The following EMSY variants were observed in gnomAD, a reference collection of about 807,000 sequenced individuals.
EMSY encodes EMSY transcriptional repressor, BRCA2 interacting, also known as BRCA2-interacting transcriptional repressor EMSY.
A neutral mutation model predicts 134.6 loss-of-function variants in EMSY; 26 were observed. The ratio of observed to expected loss-of-function variants is 0.19; its 90% confidence interval spans 0.14 to 0.27. The LOEUF (loss-of-function observed/expected upper bound fraction) is 0.27, where lower values mean the gene tolerates loss of function less well. Among genes scored for constraint, EMSY ranks in the 10% least tolerant of loss-of-function variants. The probability of loss-of-function intolerance (pLI) is 1.00; values close to 1 mark genes in which losing one functional copy is unlikely to be tolerated. For missense variants in EMSY, 1,305 were observed against 1,611.4 expected (o/e 0.81, Z 3.26); for synonymous variants, 579 against 577.8 (o/e 1.00, Z -0.03).
chr11:76,513,434 A>G (rs1407125238), exon 10 of EMSY: 1 of 1,613,732 alleles, frequency 6.2e-7, no homozygotes, highest in South Asian at 1.1e-5. Flanking sequence ...ATCTTACCCA[A>G]ACCAGTGACA....
intron 2 of EMSY, among the ~76,000 whole-genome samples, chr11:76,451,211 T>G (rs1947653029): frequency 2.0e-5 from 3 of 152,204 alleles, no homozygotes; most frequent in African/African-American, 7.2e-5. Flanking sequence ...ATGTTTATGT[T>G]TCCCAATTAG....
At chr11:76,544,673 A>T in exon 19 of EMSY, 1 of 1,614,064 alleles carries the variant, frequency 6.2e-7, no homozygotes, top group Non-Finnish European at 8.5e-7. Flanking sequence ...GCCCCCGCAA[A>T]CTGTAGTACA....
At chr11:76,490,592 T>C (rs1453527813) in intron 8 of EMSY, among the ~76,000 whole-genome samples, 2 of 152,230 alleles carry the variant, frequency 1.3e-5, no homozygotes, top group East Asian at 3.8e-4. Context: ...TTCCTTGTGC[T>C]ATGGTTGTCA....
At chr11:76,521,898 C>T (rs1950651076) in intron 11 of EMSY, among the ~76,000 whole-genome samples, 1 of 151,716 alleles carries the variant, frequency 6.6e-6, no homozygotes, top group South Asian at 2.1e-4. Context: ...CATAGTGAGA[C>T]CTTATCTCTA....
chr11:76,496,459 A>G (rs1489561216), exon 9 of EMSY: 1 of 1,613,990 alleles, frequency 6.2e-7, no homozygotes, highest in Non-Finnish European at 8.5e-7. Context: ...TCCAAATCAA[A>G]CAGGAGTCAG....
chr11:76,513,443 C>A (rs774078197), exon 10 of EMSY: 1 of 1,613,718 alleles, frequency 6.2e-7, no homozygotes, highest in South Asian at 1.1e-5. Context: ...AAACCAGTGA[C>A]AGCAACTCTA....
chr11:76,471,936 T>C (rs1038248875), intron 7 of EMSY, among the ~76,000 whole-genome samples: 4 of 152,216 alleles, frequency 2.6e-5, no homozygotes, highest in African/African-American at 4.8e-5. Flanking sequence ...GGTAGCACCA[T>C]GGTTCATATC....
At chr11:76,544,865 C>A in intron 19 of EMSY, 43 bp downstream of exon 20, 5 of 1,570,152 alleles carry the variant, frequency 3.2e-6, no homozygotes, top group Admixed American at 3.6e-5. Flanking sequence ...CTTCTCTGTT[C>A]ACGGAAAAAA....
At position 76,537,711 on chromosome 11, in the gene EMSY, C is replaced by G. The variant is rs568038221; in HGVS notation, c.2360-84C>G. ...ACTGCCAGTGTGGCACCCCAGAGGT[C>G]TGGTTCATTATTCCTGTGGACAACT... On this transcript the variant is annotated intron_variant, in intron 15 of 20. Coordinates refer to ENST00000334736, the Ensembl canonical transcript of EMSY. 4.8e-5 allele frequency: 61 copies of G among 1,271,080 alleles called. No homozygotes were observed. The Middle Eastern group carries it at 5.9e-4, about 12-fold the overall frequency. The allele number at this position is 1,271,080 out of a possible 1,614,324, so 78.7% of individuals were successfully genotyped here.
chr11:76,481,135 C>T (rs1272193318), intron 8 of EMSY, among the ~76,000 whole-genome samples: 1 of 152,114 alleles, frequency 6.6e-6, no homozygotes, highest in Non-Finnish European at 1.5e-5. Context: ...GCTCTGCCTC[C>T]CGGGTTCACA....
At chr11:76,511,977 C>T (rs1950294294) in intron 9 of EMSY, among the ~76,000 whole-genome samples, 2 of 152,036 alleles carry the variant, frequency 1.3e-5, no homozygotes, top group Admixed American at 1.3e-4. Flanking sequence ...TAATTATATA[C>T]TTAGATGTCA....
intron 9 of EMSY, among the ~76,000 whole-genome samples, chr11:76,499,667 G>A (rs888210113): frequency 1.4e-4 from 21 of 152,028 alleles, no homozygotes; most frequent in African/African-American, 3.9e-4. Context: ...TACATGTGCC[G>A]TTTTATTTTG....
At chr11:76,516,245 C>T (rs1257456475) in exon 11 of EMSY, 1 of 1,613,098 alleles carries the variant, frequency 6.2e-7, no homozygotes, top group Non-Finnish European at 8.5e-7. Flanking sequence ...GTGGTAGCAT[C>T]ATTACAGTAG....
chr11:76,469,152 T>C (rs1948474724), intron 7 of EMSY, among the ~76,000 whole-genome samples: 1 of 152,218 alleles, frequency 6.6e-6, no homozygotes, highest in African/African-American at 2.4e-5. Flanking sequence ...GCTGAAGTTT[T>C]GTCTTAATGT....
intron 14 of EMSY, among the ~76,000 whole-genome samples, chr11:76,533,585 G>A (rs1193644734): frequency 2.0e-5 from 3 of 152,136 alleles, no homozygotes; most frequent in African/African-American, 7.2e-5. Flanking sequence ...TAACGGAAAA[G>A]TCTTAAGATT....
At chr11:76,495,001 G>A (rs1949593411) in intron 8 of EMSY, among the ~76,000 whole-genome samples, 2 of 152,288 alleles carry the variant, frequency 1.3e-5, no homozygotes, top group East Asian at 3.9e-4. Context: ...CTCCCAAAGT[G>A]TTGGGATTAC....
chr11:76,455,491 C>T (rs1159440719), intron 4 of EMSY, among the ~76,000 whole-genome samples: 1 of 152,014 alleles, frequency 6.6e-6, no homozygotes, highest in Admixed American at 6.6e-5. Context: ...GCTTCATACT[C>T]CAAGCCTAGA....
At chr11:76,463,397 G>A (rs7109548) in intron 6 of EMSY, among the ~76,000 whole-genome samples, 81,510 of 151,152 alleles carry the variant, frequency 0.54, 23,052 homozygotes, top group South Asian at 0.67. Flanking sequence ...GCCGAGGCGG[G>A]TGGATCATGA....
intron 8 of EMSY, among the ~76,000 whole-genome samples, chr11:76,482,399 G>T (rs903171023): frequency 6.6e-6 from 1 of 152,198 alleles, no homozygotes; most frequent in Non-Finnish European, 1.5e-5. Context: ...CAGAGAATGA[G>T]TTTGATGAAT....
Sources: gnomAD v4.1 joint callset for allele counts (sites outside exome capture counted in the v4.1 genomes callset) on GRCh38, gnomAD v4.1.1 for gene constraint, MANE v1.5 for transcripts, NCBI Gene and HGNC (gene_info 2026-07-23, HGNC 2026-07-21) for gene names.